Variants in SPSB4 observed in about 807,000 individuals in gnomAD.
SPSB4 encodes the protein SPRY domain-containing SOCS box protein 4.
In SPSB4, 21 loss-of-function variants were observed where a neutral mutation model predicts 20.9. The ratio of observed to expected loss-of-function variants is 1.01; its 90% CI spans 0.71 to 1.45. The LOEUF (loss-of-function observed/expected upper bound fraction) is 1.45. Ranked by LOEUF, SPSB4 falls within the 40% of genes most tolerant of loss-of-function variation. The pLI is 0.00. For missense variants in SPSB4, 399 were observed against 399.2 expected, an observed-to-expected ratio of 1.00 and a Z score of 0.00; for synonymous variants, 207 against 183.8, an observed-to-expected ratio of 1.13 and a Z score of -1.02.
In SPSB4 at chr3:141,066,231, A is replaced by G. The variant is rs774979058; in HGVS notation, c.127A>G (p.Met43Val). 10 of 1,557,706 alleles carry G rather than the reference A, an allele frequency of 6.4e-6. No homozygotes were observed. The highest frequency in any genetic ancestry group is 8.7e-6 in the Non-Finnish European group (10 of 1,153,778). The change falls in exon 2 of 3, where the codon ATG (methionine) becomes GTG (valine). Residue 43 changes from methionine to valine, a missense_variant. Physicochemically the swap from Met to Val is conservative, Grantham distance 21. Transcript: ENST00000310546. ...GGCGCGGCTGGACCAGCTGTTGGAC[A>G]TGCCAGCGGCGGGGCTGGCTGTGCA... Reference protein sequence around the residue: ...RPARLDQLLDMPAAGLAVQLR... With the variant: ...RPARLDQLLDVPAAGLAVQLR...
rs752186522 is a variant in SPSB4 at position 141,147,499 on chromosome 3, G to A, written c.*230G>A. 12 of 598,116 alleles carry A rather than the reference G, an allele frequency of 2.0e-5. No individual in the cohort carries two copies. The highest frequency in any genetic ancestry group is 1.4e-4 in the South Asian group (6 of 41,488). 37.1% of individuals were successfully genotyped at this position (598,116 alleles called of 1,614,324 possible). On this transcript the variant is annotated 3_prime_UTR_variant, in exon 3 of 3. Transcript: ENST00000310546. ...CCCTCCCAAGTCAGACACCTCCTTC[G>A]GAGCCACAGAGAGCCTGGAGTCTGC...
chr3:141,109,659 C>G (rs976590642), intron 2 of SPSB4, among the ~76,000 whole-genome samples: 3 of 152,198 alleles, frequency 2.0e-5, no homozygotes, highest in East Asian at 1.9e-4. Flanking sequence ...TTCCCTTTCT[C>G]TCCCCTCTTC....
chr3:141,070,327 T>TTTTG (rs1937976096), intron 2 of SPSB4, among the ~76,000 whole-genome samples: 1 of 152,012 alleles, frequency 6.6e-6, no homozygotes, highest in Non-Finnish European at 1.5e-5. Context: ...TGTTGTTGTT[T>TTTTG]TTTGTTTGTT....
intron 2 of SPSB4, among the ~76,000 whole-genome samples, chr3:141,145,974 A>G (rs1330651540): frequency 6.6e-6 from 1 of 152,158 alleles, no homozygotes; most frequent in East Asian, 1.9e-4. Flanking sequence ...CTTCTATATA[A>G]GAAATTCCCA....
At chr3:141,125,643 G>T (rs1415119443) in intron 2 of SPSB4, among the ~76,000 whole-genome samples, 1 of 152,182 alleles carries the variant, frequency 6.6e-6, no homozygotes, top group African/African-American at 2.4e-5. Context: ...TGGGCCCAAG[G>T]TTCAGGGGGA....
chr3:141,081,631 G>T (rs1417322596), intron 2 of SPSB4, among the ~76,000 whole-genome samples: 1 of 152,102 alleles, frequency 6.6e-6, no homozygotes, highest in Non-Finnish European at 1.5e-5. Context: ...GGGGACAGCA[G>T]GGGCCAGGAG....
chr3:141,091,626 G>A (rs1035376677), intron 2 of SPSB4, among the ~76,000 whole-genome samples: 3 of 152,178 alleles, frequency 2.0e-5, no homozygotes, highest in African/African-American at 7.2e-5. Flanking sequence ...ACAGAGCCAG[G>A]GCTGTCATGG....
rs536129542 is a variant in SPSB4 at position 141,081,244 on chromosome 3, G to A, written c.694+14446G>A. ...GTTCAGTTACTTGGTTGTGCTAGCC[G>A]CATCCAAATGCTCCACAGACACGGC... On this transcript the variant is annotated intron_variant, in intron 2 of 2. Coordinates refer to ENST00000310546, the MANE Select transcript of SPSB4 (RefSeq NM_080862.3). Among the ~76,000 whole-genome samples, 9 of 152,312 alleles carry A rather than the reference G, an allele frequency of 5.9e-5. No homozygotes were observed. The East Asian group carries it at 9.6e-4, about 16-fold the overall frequency.
At chr3:141,103,039 C>T (rs1028252557) in intron 2 of SPSB4, among the ~76,000 whole-genome samples, 6 of 152,320 alleles carry the variant, frequency 3.9e-5, no homozygotes, top group Admixed American at 3.3e-4. Flanking sequence ...CAAGTGGCCG[C>T]GCCTGTCCTG....
chr3:141,056,865 T>G (rs560227605), intron 1 of SPSB4, among the ~76,000 whole-genome samples: 2 of 152,196 alleles, frequency 1.3e-5, no homozygotes, highest in Non-Finnish European at 2.9e-5. Flanking sequence ...GCTGTCTCAG[T>G]GGTATGTCTC....
intron 2 of SPSB4, among the ~76,000 whole-genome samples, chr3:141,145,556 G>A (rs952151545): frequency 1.3e-5 from 2 of 152,124 alleles, no homozygotes; most frequent in East Asian, 1.9e-4. Context: ...TTTCTCTGTG[G>A]TACTATTCCT....
chr3:141,141,242 G>T (rs1443292566), intron 2 of SPSB4, among the ~76,000 whole-genome samples: 2 of 152,170 alleles, frequency 1.3e-5, no homozygotes, highest in Non-Finnish European at 2.9e-5. Flanking sequence ...CCCTTTCTTT[G>T]ACTAGGAAAA....
At chr3:141,058,738 A>G (rs1937705638) in intron 1 of SPSB4, among the ~76,000 whole-genome samples, 1 of 152,212 alleles carries the variant, frequency 6.6e-6, no homozygotes, top group Non-Finnish European at 1.5e-5. Context: ...TTGAACGAAT[A>G]AATGAGGGTT....
At chr3:141,137,635 G>A (rs1252236665) in intron 2 of SPSB4, among the ~76,000 whole-genome samples, 1 of 152,154 alleles carries the variant, frequency 6.6e-6, no homozygotes, top group Non-Finnish European at 1.5e-5. Context: ...GCTGGATTAT[G>A]TTTATTGATT....
intron 2 of SPSB4, among the ~76,000 whole-genome samples, chr3:141,095,479 T>C (rs1201826676): frequency 6.6e-6 from 1 of 152,122 alleles, no homozygotes; most frequent in East Asian, 1.9e-4. Flanking sequence ...GAGACTTTGC[T>C]GGGACTTGGT....
chr3:141,136,246 G>A (rs1048039607), intron 2 of SPSB4, among the ~76,000 whole-genome samples: 1 of 152,154 alleles, frequency 6.6e-6, no homozygotes, highest in Non-Finnish European at 1.5e-5. Flanking sequence ...TTAGCCCTAT[G>A]TCAGATGAGT....
chr3:141,088,610 G>A (rs1196888608), intron 2 of SPSB4, among the ~76,000 whole-genome samples: 6 of 152,124 alleles, frequency 3.9e-5, no homozygotes, highest in Non-Finnish European at 8.8e-5. Flanking sequence ...ACACCCTTGG[G>A]GATACCCCTC....
chr3:141,088,522 A>T (rs2107790216), intron 2 of SPSB4, among the ~76,000 whole-genome samples: 1 of 152,338 alleles, frequency 6.6e-6, no homozygotes. Flanking sequence ...TGTGGGCATC[A>T]GTCAGTTTTG....
chr3:141,125,795 C>A (rs1409113132), intron 2 of SPSB4, among the ~76,000 whole-genome samples: 2 of 152,066 alleles, frequency 1.3e-5, no homozygotes, highest in Non-Finnish European at 2.9e-5. Flanking sequence ...TTAATGACAC[C>A]AAAAACAAAA....
Sources: allele counts gnomAD v4.1 joint callset (sites outside exome capture counted in the v4.1 genomes callset), GRCh38; gene constraint gnomAD v4.1.1; transcripts MANE v1.5; gene names NCBI Gene and HGNC (gene_info 2026-07-23, HGNC 2026-07-21).